Variants in TRAPPC9 observed in about 807,000 individuals in gnomAD.
TRAPPC9 encodes the protein trafficking protein particle complex subunit 9, also known as IKK2 binding protein.
In TRAPPC9, 83 loss-of-function variants were observed where a neutral mutation model predicts 124.0. That is an observed-to-expected ratio of 0.67 (90% CI 0.56 to 0.80). The LOEUF (loss-of-function observed/expected upper bound fraction) is 0.80. TRAPPC9 is among the 30% of genes least tolerant of loss of function. TRAPPC9 has a pLI of 0.00. For synonymous variants in TRAPPC9, 638 were observed against 617.5 expected, an observed-to-expected ratio of 1.03 and a Z score of -0.49; for missense variants, 1,302 against 1,508.3, an observed-to-expected ratio of 0.86 and a Z score of 2.27.
chr8:139,787,560 G>C (rs80160856), intron 21 of TRAPPC9, among the ~76,000 whole-genome samples: 2 of 152,118 alleles, frequency 1.3e-5, no homozygotes, highest in African/African-American at 4.8e-5. Context: ...ATGGAAAAAG[G>C]CCTCACCGAA....
At chr8:140,337,786 T>C (rs566765559) in intron 9 of TRAPPC9, among the ~76,000 whole-genome samples, 12 of 152,086 alleles carry the variant, frequency 7.9e-5, no homozygotes, top group Non-Finnish European at 1.5e-4. Flanking sequence ...CAGTTAATAA[T>C]AACTGAGAGG....
Position 140,231,591 on chromosome 8 carries a change from C to T in TRAPPC9, c.2432-10008G>A, listed in dbSNP as rs189171341. Reference sequence around the variant, plus strand: ...CACTGCAATCTCCGCCTCCTGGGTTCAAGCAATTCTCCTGCCTCAGCCTCC... The same window carrying T: ...CACTGCAATCTCCGCCTCCTGGGTTTAAGCAATTCTCCTGCCTCAGCCTCC... On this transcript the variant is annotated intron_variant, in intron 16 of 22. Transcript: ENST00000438773. 1.9e-3 allele frequency among the ~76,000 whole-genome samples: 247 copies of T among 132,418 alleles called. 4 individuals are homozygous for T. Among genetic ancestry groups the T allele is most frequent in the Non-Finnish European group, 1.0e-3 (66 of 64,464 alleles). The allele number at this position is 132,418 out of a possible 152,430, so 86.9% of individuals were successfully genotyped here. A position where few individuals can be genotyped will look rare whatever the true frequency, so the allele number is the denominator to read the frequency against.
Position 140,283,880 on chromosome 8 carries a change from G to A in TRAPPC9, c.2114+9C>T, listed in dbSNP as rs779081698. Reference sequence around the variant, plus strand: ...AGCCACTCTGCTCTGTGACCCTCGTGCACACTACCTGGGCAGAGAGGTGCT... The same window carrying A: ...AGCCACTCTGCTCTGTGACCCTCGTACACACTACCTGGGCAGAGAGGTGCT... On this transcript the variant is annotated intron_variant, in intron 14 of 22. Transcript: ENST00000438773. 71 of 1,613,726 alleles carry A rather than the reference G, an allele frequency of 4.4e-5. No homozygotes were observed. The highest frequency in any genetic ancestry group is 5.7e-5 in the Non-Finnish European group (67 of 1,179,962).
intron 17 of TRAPPC9, among the ~76,000 whole-genome samples, chr8:140,108,849 G>T (rs942840887): frequency 1.7e-4 from 26 of 152,160 alleles, no homozygotes; most frequent in Admixed American, 1.6e-3. Context: ...GTATTTGGGG[G>T]ATCTGTGAAG....
At chr8:139,890,586 A>C (rs2131149985) in intron 20 of TRAPPC9, among the ~76,000 whole-genome samples, 1 of 152,272 alleles carries the variant, frequency 6.6e-6, no homozygotes, top group South Asian at 2.1e-4. Context: ...GGCCATTGTG[A>C]GGGACCCCTT....
chr8:140,371,665 C>T (rs2068285440), intron 7 of TRAPPC9, among the ~76,000 whole-genome samples: 1 of 152,202 alleles, frequency 6.6e-6, no homozygotes, highest in Non-Finnish European at 1.5e-5. Context: ...CAACTGAATC[C>T]TCCCAACAAC....
At chr8:139,903,762 T>C (rs1831166031) in intron 20 of TRAPPC9, among the ~76,000 whole-genome samples, 1 of 152,176 alleles carries the variant, frequency 6.6e-6, no homozygotes, top group African/African-American at 2.4e-5. Context: ...CATTTTAGGC[T>C]GGGCATGGTG....
At position 140,182,608 on chromosome 8, in the gene TRAPPC9, T is replaced by C. The variant is rs889719372; in HGVS notation, c.2556+38851A>G. 1.3e-5 allele frequency among the ~76,000 whole-genome samples: 2 copies of C among 152,190 alleles called. No homozygotes were observed. Among genetic ancestry groups the C allele is most frequent in the Non-Finnish European group, 2.9e-5 (2 of 68,040 alleles). On this transcript the variant is annotated intron_variant, in intron 17 of 22. Coordinates refer to ENST00000438773, the MANE Select transcript of TRAPPC9 (RefSeq NM_001160372.4). The surrounding 1 kb of genome is among the most constrained non-coding windows in gnomAD (Gnocchi z 4.0). ...CATTTTGCCAAGTGTCCTCTCAACC[T>C]CTTGCTCAGAGTCTTTCCATTTCAT...
chr8:140,112,514 A>G (rs2060800929), intron 17 of TRAPPC9, among the ~76,000 whole-genome samples: 1 of 152,190 alleles, frequency 6.6e-6, no homozygotes, highest in Non-Finnish European at 1.5e-5. Context: ...ATAATGTCAG[A>G]GCTCCCGACC....
At chr8:140,131,570 G>A (rs2061209414) in intron 17 of TRAPPC9, among the ~76,000 whole-genome samples, 1 of 152,214 alleles carries the variant, frequency 6.6e-6, no homozygotes, top group African/African-American at 2.4e-5. Context: ...GTGCGGCTCT[G>A]TGGTGGAAAC....
In TRAPPC9 at chr8:139,965,702, C is replaced by T. The variant is rs1835652719; in HGVS notation, c.2810+23024G>A. Reference sequence around the variant, plus strand: ...TCTGCTTCCCTGTTCCAGAGACATACCCTAGTGCAAGGGGAAATACAAACA... The same window carrying T: ...TCTGCTTCCCTGTTCCAGAGACATATCCTAGTGCAAGGGGAAATACAAACA... On this transcript the variant is annotated intron_variant, in intron 19 of 22. Transcript: ENST00000438773. Among the ~76,000 whole-genome samples the T allele has an allele frequency of 5.1e-5, 3 of 59,222 alleles. No individual in the cohort carries two copies. The South Asian group carries it at 1.7e-3, about 33-fold the overall frequency. The allele number at this position is 59,222 out of a possible 152,430, so 38.9% of individuals were successfully genotyped here.
chr8:140,360,420 T>C (rs2067914849), intron 8 of TRAPPC9, among the ~76,000 whole-genome samples: 1 of 152,222 alleles, frequency 6.6e-6, no homozygotes, highest in South Asian at 2.1e-4. Flanking sequence ...CTTCTCTCTC[T>C]GCAAAGACAT....
chr8:139,735,164 T>C (rs1818075109), intron 21 of TRAPPC9, among the ~76,000 whole-genome samples: 1 of 152,228 alleles, frequency 6.6e-6, no homozygotes, highest in African/African-American at 2.4e-5. Context: ...GGACCTGAGC[T>C]TGAGCGCTTC....
At chr8:140,411,320 A>T (rs1047010356) in intron 5 of TRAPPC9, among the ~76,000 whole-genome samples, 1 of 152,186 alleles carries the variant, frequency 6.6e-6, no homozygotes, top group African/African-American at 2.4e-5. Context: ...TGGAACAGGG[A>T]AAGTACAAAA....
chr8:140,165,547 G>T (rs1418680085), intron 17 of TRAPPC9, among the ~76,000 whole-genome samples: 1 of 130,188 alleles, frequency 7.7e-6, no homozygotes, highest in African/African-American at 2.9e-5. Context: ...AAAAGAAAAA[G>T]AAATGAAAGA....
chr8:139,997,571 ACAATGCATCCTACCCAGGGGAG>A (rs1838100070), intron 18 of TRAPPC9, among the ~76,000 whole-genome samples: 1 of 147,128 alleles, frequency 6.8e-6, no homozygotes, highest in African/African-American at 2.7e-5. Context: ...ACCCAGGGGA[ACAATGCATCCTACCCAGGGGAG>A]ACAATGCATC....
intron 17 of TRAPPC9, among the ~76,000 whole-genome samples, chr8:140,137,531 G>A (rs1042871888): frequency 1.5e-4 from 23 of 152,164 alleles, no homozygotes; most frequent in African/African-American, 4.1e-4. Flanking sequence ...GGCCCTGGGC[G>A]GCCTCACCCC....
intron 16 of TRAPPC9, among the ~76,000 whole-genome samples, chr8:140,244,507 G>A (rs1049620179): frequency 1.3e-5 from 2 of 152,094 alleles, no homozygotes; most frequent in African/African-American, 2.4e-5. Context: ...AATTGAAAAG[G>A]AAACCAAAGC....
chr8:139,973,455 G>A (rs1435961862), intron 19 of TRAPPC9, among the ~76,000 whole-genome samples: 4 of 152,206 alleles, frequency 2.6e-5, no homozygotes, highest in South Asian at 2.1e-4. Context: ...CACACTGACC[G>A]TGAGGGTCAC....
Sources: gnomAD v4.1 joint callset for allele counts (sites outside exome capture counted in the v4.1 genomes callset) on GRCh38, gnomAD v4.1.1 for gene constraint, Gnocchi (gnomAD v3.1) non-coding constraint, MANE v1.5 for transcripts, NCBI Gene and HGNC (gene_info 2026-07-23, HGNC 2026-07-21) for gene names.